PRMT9: variants seen among roughly 807,000 people sequenced by gnomAD.
The protein encoded by PRMT9 is protein arginine N-methyltransferase 9.
Under a neutral mutation model 83.2 loss-of-function variants are expected in PRMT9, and 59 were observed. That is an observed-to-expected ratio of 0.71 (90% CI 0.57 to 0.88). The LOEUF (loss-of-function observed/expected upper bound fraction) is 0.88. Among genes scored for constraint, PRMT9 ranks in the 40% least tolerant of loss-of-function variants. The pLI is 0.00. For missense variants in PRMT9, 947 were observed against 1,021.9 expected (o/e 0.93, Z 1.00); for synonymous variants, 333 against 353.2 (o/e 0.94, Z 0.64).
In PRMT9 at chr4:147,683,971, G is replaced by T. The variant is rs367977825; in HGVS notation, c.17C>A (p.Pro6His). 3.7e-6 allele frequency: 6 copies of T among 1,612,716 alleles called. No homozygotes were observed. The African/African-American group carries it at 8.0e-5, about 22-fold the overall frequency. The change falls in exon 1 of 12, where the codon CCC becomes CAC. Residue 6 changes from proline to histidine, a missense_variant. Transcript: ENST00000322396. ...ACCCCCGGCGTCTCGGCGGGACCTG[G>T]GCCGCGAGTTCGACATGGCAGTCAC... MSNSRPRSRRDAGGGA... is the reference protein window; with the variant it reads MSNSRHRSRRDAGGGA...
At chr4:147,642,385 C>T (rs747775162) in intron 10 of PRMT9, among the ~76,000 whole-genome samples, 2 of 149,450 alleles carry the variant, frequency 1.3e-5, no homozygotes, top group African/African-American at 2.6e-5. Flanking sequence ...ATTGCAGGCA[C>T]GCACCACCAC....
chr4:147,653,453 A>AATATAT (rs1553991781), intron 9 of PRMT9, among the ~76,000 whole-genome samples: 2 of 148,568 alleles, frequency 1.3e-5, no homozygotes, highest in African/African-American at 5.0e-5. Context: ...AAAAAAAAAA[A>AATATAT]ATATATATAT....
chr4:147,653,302 G>A lies in PRMT9; in HGVS notation c.2045+550C>T, dbSNP rs114830023. Among the ~76,000 whole-genome samples, 273 of 152,046 alleles carry A rather than the reference G, an allele frequency of 1.8e-3. 1 individual carries two copies. Among genetic ancestry groups the A allele is most frequent in the African/African-American group, 6.4e-3 (266 of 41,498 alleles). ...CGTCTCTACTAAAAATACAAAATTA[G>A]CTGGTGGGGTGTGCCTGTAATCCTA... On this transcript the variant is annotated intron_variant, in intron 9 of 11. Coordinates refer to ENST00000322396, the MANE Select transcript of PRMT9 (RefSeq NM_138364.4).
chr4:147,642,249 T>C (rs1733451175), intron 10 of PRMT9, among the ~76,000 whole-genome samples: 1 of 152,116 alleles, frequency 6.6e-6, no homozygotes, highest in Non-Finnish European at 1.5e-5. Flanking sequence ...AAAACTTTTT[T>C]TTTTTTTGAG....
At chr4:147,669,069 G>C (rs989623077) in intron 5 of PRMT9, among the ~76,000 whole-genome samples, 1 of 151,842 alleles carries the variant, frequency 6.6e-6, no homozygotes, top group Non-Finnish European at 1.5e-5. Flanking sequence ...CTGGGCTACA[G>C]AGCAAGACTC....
intron 9 of PRMT9, among the ~76,000 whole-genome samples, chr4:147,647,520 C>T (rs2126579998): frequency 6.6e-6 from 1 of 151,308 alleles, no homozygotes; most frequent in East Asian, 1.9e-4. Context: ...GATAATTACA[C>T]TTTTCTTTTT....
chr4:147,641,806 C>T (rs1293387855), intron 10 of PRMT9, among the ~76,000 whole-genome samples: 1 of 152,120 alleles, frequency 6.6e-6, no homozygotes, highest in Non-Finnish European at 1.5e-5. Context: ...GGACTACAGG[C>T]ATGCACCACC....
At chr4:147,677,485 T>C (rs1170587222) in intron 2 of PRMT9, among the ~76,000 whole-genome samples, 1 of 128,210 alleles carries the variant, frequency 7.8e-6, no homozygotes, top group Non-Finnish European at 1.6e-5. Flanking sequence ...ATGGAGTCTC[T>C]CTCTGTCACC....
At chr4:147,672,901 T>A in intron 4 of PRMT9, 58 bp downstream of exon 4, 2 of 1,419,296 alleles carry the variant, frequency 1.4e-6, no homozygotes, top group Non-Finnish European at 2.0e-6. Flanking sequence ...TAGAAATATA[T>A]CTTAGTTTTT....
intron 5 of PRMT9, 31 bp downstream of exon 5, chr4:147,670,610 A>T: frequency 7.9e-7 from 1 of 1,264,110 alleles, no homozygotes; most frequent in Non-Finnish European, 1.2e-6. Flanking sequence ...ACGAATTCTT[A>T]ATCAGTTGTA....
intron 9 of PRMT9, among the ~76,000 whole-genome samples, chr4:147,645,109 T>C (rs1324314629): frequency 6.6e-6 from 1 of 152,204 alleles, no homozygotes; most frequent in African/African-American, 2.4e-5. Flanking sequence ...TTTTTTCATA[T>C]CTTAAAAAGT....
rs1305181434 is a variant in PRMT9 at position 147,638,952 on chromosome 4, G to T, written c.2322+8C>A. The T allele has an allele frequency of 2.5e-6, 4 of 1,609,370 alleles. No homozygotes were observed. Among genetic ancestry groups the T allele is most frequent in the Admixed American group, 1.7e-5 (1 of 59,972 alleles). Reference sequence around the variant, plus strand: ...AACAAACGAAATCATTTTGCATGTTGTCCTTACCTTTACTTCTCTGTTAGA... The same window carrying T: ...AACAAACGAAATCATTTTGCATGTTTTCCTTACCTTTACTTCTCTGTTAGA... On this transcript the variant is annotated splice_region_variant and intron_variant, in intron 11 of 11. Transcript: ENST00000322396.
intron 2 of PRMT9, among the ~76,000 whole-genome samples, chr4:147,677,230 A>G (rs988110188): frequency 1.6e-4 from 24 of 151,868 alleles, no homozygotes; most frequent in African/African-American, 5.8e-4. Flanking sequence ...CAAACCCAAA[A>G]CAAAAATTTT....
In PRMT9 at chr4:147,673,712, A is replaced by G. The variant is rs1157348819; in HGVS notation, c.501T>C (p.Asn167=). 3 of 1,614,142 alleles carry G rather than the reference A, an allele frequency of 1.9e-6. No homozygotes were observed. The highest frequency in any genetic ancestry group is 2.7e-5 in the African/African-American group (2 of 75,038). Residue 167 remains asparagine, a synonymous_variant, in exon 3 of 12, where the codon AAT becomes AAC. Coordinates refer to ENST00000322396, the MANE Select transcript of PRMT9 (RefSeq NM_138364.4). ...AACAAACTGCCTTTTGGATTGCTGC[A>G]TTATAAATTGTATTCCTCTTGGTGT... ...LNDTKRNTIY[N]AAIQKAVCLG...
At chr4:147,647,946 G>C (rs1370029169) in intron 9 of PRMT9, among the ~76,000 whole-genome samples, 4 of 151,372 alleles carry the variant, frequency 2.6e-5, no homozygotes, top group African/African-American at 9.7e-5. Context: ...TAATTTGCCA[G>C]AATGGCTCAC....
chr4:147,638,543 C>CTGTGATGCTGACATTGCTTT lies in PRMT9; in HGVS notation c.2507_2526dup (p.Val843LysfsTer8), dbSNP rs1308333881. 2 of 1,613,340 alleles carry CTGTGATGCTGACATTGCTTT rather than the reference C, an allele frequency of 1.2e-6. No homozygotes were observed. Among genetic ancestry groups the CTGTGATGCTGACATTGCTTT allele is most frequent in the East Asian group, 4.5e-5 (2 of 44,832 alleles). ...TGGAAAACTGCTCTTCATTGCTTTA[C>CTGTGATGCTGACATTGCTTT]TGTGATGCTGACATTGCTTTTGTGA... On this transcript the variant is annotated frameshift_variant, in exon 12 of 12. Coordinates refer to ENST00000322396, the MANE Select transcript of PRMT9 (RefSeq NM_138364.4). LOFTEE classifies it high-confidence loss of function.
Position 147,654,598 on chromosome 4 carries a change from T to C in PRMT9, c.1331-32A>G, listed in dbSNP as rs753175170. On this transcript the variant is annotated intron_variant, in intron 8 of 11. Coordinates refer to ENST00000322396, the MANE Select transcript of PRMT9 (RefSeq NM_138364.4). ...TAAATAGTAAGGAAGAAAAAAAATATGGAGTACTTATAAGCCAGAGGATCA... is the reference window on the plus strand; with the variant it reads ...TAAATAGTAAGGAAGAAAAAAAATACGGAGTACTTATAAGCCAGAGGATCA... 1.0e-5 allele frequency: 14 copies of C among 1,389,988 alleles called. 1 individual carries two copies. In the South Asian group the frequency reaches 1.4e-4, roughly 14 times the overall value. The allele number at this position is 1,389,988 out of a possible 1,614,324, so 86.1% of individuals were successfully genotyped here.
chr4:147,659,563 T>C (rs1734792357), intron 7 of PRMT9, among the ~76,000 whole-genome samples: 1 of 146,070 alleles, frequency 6.8e-6, no homozygotes, highest in Admixed American at 7.2e-5. Flanking sequence ...TCCAATTTCT[T>C]TGGGCACTTT....
chr4:147,676,091 AC>A (rs1736050225), intron 2 of PRMT9, among the ~76,000 whole-genome samples: 1 of 152,224 alleles, frequency 6.6e-6, no homozygotes, highest in Non-Finnish European at 1.5e-5. Flanking sequence ...CTGAACTGCT[AC>A]CGTCCAAATT....
Sources: allele counts gnomAD v4.1 joint callset (sites outside exome capture counted in the v4.1 genomes callset), GRCh38; gene constraint gnomAD v4.1.1; transcripts MANE v1.5; gene names NCBI Gene and HGNC (gene_info 2026-07-23, HGNC 2026-07-21).